Variants in RTKN observed in about 807,000 individuals in gnomAD.
RTKN encodes the protein rhotekin.
A neutral mutation model predicts 63.5 loss-of-function variants in RTKN; 49 were observed. The ratio of observed to expected loss-of-function variants is 0.77; its 90% CI spans 0.61 to 0.98. The LOEUF is 0.98. RTKN is among the 50% of genes least tolerant of loss of function. The pLI is 0.00. For synonymous variants in RTKN, 295 were observed against 290.4 expected (o/e 1.02, Z -0.16); for missense variants, 685 against 740.8 (o/e 0.92, Z 0.87).
At chr2:74,440,157 G>T (rs1671282036) in intron 1 of RTKN, 1 of 415,048 alleles carries the variant, frequency 2.4e-6, no homozygotes, top group Non-Finnish European at 3.3e-6. Context: ...TTTGCAGGAG[G>T]TTGGAGCTTC....
In RTKN at chr2:74,426,340, G is replaced by T. The variant is rs145047223; in HGVS notation, c.1595C>A (p.Ala532Asp). ...DAVPPDHSPRARSVAPLPPQR... is the reference protein window; with the variant it reads ...DAVPPDHSPRDRSVAPLPPQR... The stretch of plus-strand genomic sequence containing the variant: ...AGGTGGGAGGGGGGCAACCGAGCGA[G>T]CCCTAGGGGAGTGGTCTGGGGGGAC... Residue 532 changes from alanine (A) to aspartate (D), a missense_variant, in exon 12 of 12, where the codon GCT (alanine) becomes GAT (aspartate). Coordinates refer to ENST00000272430, the MANE Select transcript of RTKN (RefSeq NM_001015055.2). 1.9e-6 allele frequency: 3 copies of T among 1,613,176 alleles called. No individual in the cohort carries two copies. Among genetic ancestry groups the T allele is most frequent in the South Asian group, 1.1e-5 (1 of 91,054 alleles).
rs971227313 is a variant in RTKN at position 74,426,185 on chromosome 2, C to G, written c.*58G>C. ...TATAGACAGCGCCGTATCCAGAGCC[C>G]AACTGCGCATGGGTCATTTTCTCTT... On this transcript the variant is annotated 3_prime_UTR_variant, in exon 12 of 12. Transcript: ENST00000272430. 2 of 1,491,344 alleles carry G rather than the reference C, an allele frequency of 1.3e-6. No homozygotes were observed. Among genetic ancestry groups the G allele is most frequent in the Middle Eastern group, 1.7e-4 (1 of 5,754 alleles). The allele number at this position is 1,491,344 out of a possible 1,614,324, so 92.4% of individuals were successfully genotyped here.
Position 74,428,164 on chromosome 2 carries a change from G to A in RTKN, c.1086+104C>T. The A allele has an allele frequency of 5.5e-6, 8 of 1,453,872 alleles. No individual in the cohort carries two copies. In the Admixed American group the frequency reaches 1.4e-4, roughly 25 times the overall value. 90.1% of individuals were successfully genotyped at this position (1,453,872 alleles called of 1,614,324 possible). A position where few individuals can be genotyped will look rare whatever the true frequency, so the allele number is the denominator to read the frequency against. On this transcript the variant is annotated intron_variant, in intron 9 of 11. Coordinates refer to ENST00000272430, the MANE Select transcript of RTKN (RefSeq NM_001015055.2). The stretch of plus-strand genomic sequence containing the variant: ...GATGTGGCACTGTCAGGAGCAGGAG[G>A]CCTGCTTCTATCTCTCTGAGGTATG...
intron 1 of RTKN, among the ~76,000 whole-genome samples, chr2:74,434,945 A>T (rs1670973248): frequency 1.3e-5 from 2 of 152,188 alleles, no homozygotes; most frequent in Non-Finnish European, 2.9e-5. Context: ...AAGGCAAATG[A>T]GAGTTATCCC....
intron 11 of RTKN, 55 bp from the exon 12 acceptor site, chr2:74,426,629 C>A: frequency 6.7e-7 from 1 of 1,500,228 alleles, no homozygotes; most frequent in Non-Finnish European, 8.9e-7. Flanking sequence ...GCTCAGGCCC[C>A]AAGCCTACCC....
chr2:74,431,798 T>A (rs1188795586), intron 2 of RTKN: 1 of 155,116 alleles, frequency 6.4e-6, no homozygotes, highest in Non-Finnish European at 1.4e-5. Flanking sequence ...TAGGCCACTT[T>A]CCTAAAAACC....
chr2:74,429,523 G>C (rs113678911), intron 6 of RTKN, among the ~76,000 whole-genome samples: 2,705 of 152,222 alleles, frequency 0.018, 77 homozygotes, highest in African/African-American at 0.062. Flanking sequence ...CCAGGAGTTC[G>C]AGACTAGCCT....
chr2:74,428,239 G>A, intron 9 of RTKN, 29 bp downstream of exon 9: 1 of 1,614,026 alleles, frequency 6.2e-7, no homozygotes, highest in Non-Finnish European at 8.5e-7. Context: ...CTGTGCCCTT[G>A]GTGGCCTTAC....
chr2:74,426,766 G>A, intron 11 of RTKN, 192 bp from the exon 12 acceptor site: 1 of 1,369,768 alleles, frequency 7.3e-7, no homozygotes, highest in Non-Finnish European at 9.4e-7. Flanking sequence ...AAGACTGTGG[G>A]ACATGGGGCA....
chr2:74,439,523 G>A (rs761494828), intron 1 of RTKN: 3 of 1,611,730 alleles, frequency 1.9e-6, no homozygotes, highest in South Asian at 1.1e-5. Context: ...AGTGAAGGAG[G>A]TGTGTACTCC....
chr2:74,439,811 C>G, intron 1 of RTKN: 1 of 1,407,000 alleles, frequency 7.1e-7, no homozygotes, highest in Non-Finnish European at 9.3e-7. Context: ...GCTGCTGTGA[C>G]AAATTTTCCT....
chr2:74,426,423 G>T lies in RTKN; in HGVS notation c.1512C>A (p.Ala504=). ...NPCSPASVAP[A]PDWTHPLPWG... ...AGGGCAGGGGGTGGGTCCAGTCTGG[G>T]GCTGGGGCCACTGAGGCAGGCGAGC... The change falls in exon 12 of 12, where the codon GCC becomes GCA. Residue 504 remains alanine (A), a synonymous_variant. Transcript: ENST00000272430. 6.2e-7 allele frequency: 1 copy of T among 1,612,362 alleles called. No individual in the cohort carries two copies.
intron 11 of RTKN, 49 bp from the exon 12 acceptor site, chr2:74,426,623 A>T: frequency 6.6e-7 from 1 of 1,505,962 alleles, no homozygotes; most frequent in Non-Finnish European, 8.9e-7. Context: ...GTCAGAGCTC[A>T]GGCCCCAAGC....
chr2:74,430,709 C>T (rs759682086), intron 2 of RTKN, 32 bp from the exon 3 acceptor site: 1 of 1,595,162 alleles, frequency 6.3e-7, no homozygotes, highest in African/African-American at 1.3e-5. Context: ...CTGGCCTGGC[C>T]TCTAGCCACT....
chr2:74,429,811 G>T lies in RTKN; in HGVS notation c.755+17C>A. The stretch of plus-strand genomic sequence containing the variant: ...AATACAGGCAGCTGAGGGTGGTGTC[G>T]GTGTGCAAGGCCTTACCCAACAACT... On this transcript the variant is annotated intron_variant, in intron 6 of 11. Coordinates refer to ENST00000272430, the MANE Select transcript of RTKN (RefSeq NM_001015055.2). 6.2e-7 allele frequency: 1 copy of T among 1,606,956 alleles called. No homozygotes were observed. Among genetic ancestry groups the T allele is most frequent in the Non-Finnish European group, 8.5e-7 (1 of 1,174,934 alleles).
intron 1 of RTKN, 41 bp downstream of exon 1, chr2:74,441,665 G>A: frequency 1.4e-6 from 2 of 1,476,142 alleles, no homozygotes; most frequent in East Asian, 2.3e-5. Flanking sequence ...GGCTGCCCCC[G>A]GGAGCCGCGG....
At chr2:74,433,684 G>A (rs866613669) in intron 1 of RTKN, among the ~76,000 whole-genome samples, 1 of 151,998 alleles carries the variant, frequency 6.6e-6, no homozygotes, top group Non-Finnish European at 1.5e-5. Context: ...TAGTAGAGAC[G>A]GGGTTTCACA....
At chr2:74,434,848 G>A (rs923330816) in intron 1 of RTKN, among the ~76,000 whole-genome samples, 1 of 152,188 alleles carries the variant, frequency 6.6e-6, no homozygotes, top group Non-Finnish European at 1.5e-5. Context: ...CTAGGAGTGG[G>A]GCATATGTAC....
chr2:74,436,217 G>A lies in RTKN; in HGVS notation c.112-3551C>T, dbSNP rs1558549276. ...ATCCTTCCCCAGCCCGCTCCATTGC[G>A]AGAGGCGCGCAGAGGCGCGCGAGGT... is the stretch of plus-strand genomic sequence containing the variant. On this transcript the variant is annotated intron_variant, in intron 1 of 11. Transcript: ENST00000272430. The surrounding 1 kb of genome is among the most constrained non-coding windows in gnomAD (Gnocchi z 4.3). Among the ~76,000 whole-genome samples, 1 of 152,240 alleles carries A rather than the reference G, an allele frequency of 6.6e-6. No homozygotes were observed. The highest frequency in any genetic ancestry group is 2.1e-4 in the South Asian group (1 of 4,834).
Sources: allele counts gnomAD v4.1 joint callset (sites outside exome capture counted in the v4.1 genomes callset), GRCh38; gene constraint gnomAD v4.1.1; non-coding constraint Gnocchi (gnomAD v3.1); transcripts MANE v1.5; gene names NCBI Gene and HGNC (gene_info 2026-07-23, HGNC 2026-07-21).